Variants in SLC24A3 observed in about 807,000 individuals in gnomAD.
SLC24A3 encodes sodium/potassium/calcium exchanger 3.
SLC24A3 carries 28 observed loss-of-function variants against 75.8 expected under a neutral mutation model. The ratio of observed to expected loss-of-function variants is 0.37; its 90% confidence interval spans 0.27 to 0.51. The LOEUF (loss-of-function observed/expected upper bound fraction) is 0.51, where lower values mean the gene tolerates loss of function less well. Ranked by LOEUF, SLC24A3 falls within the 20% of genes least tolerant of loss-of-function variation. The probability of loss-of-function intolerance (pLI) is 0.94; values close to 1 mark genes in which losing one functional copy is unlikely to be tolerated. For missense variants in SLC24A3, 663 were observed against 847.8 expected (o/e 0.78, Z 2.71); for synonymous variants, 372 against 334.1 (o/e 1.11, Z -1.24).
At chr20:19,216,590 C>G (rs1169778582) in intron 1 of SLC24A3, among the ~76,000 whole-genome samples, 1 of 151,542 alleles carries the variant, frequency 6.6e-6, no homozygotes, top group Non-Finnish European at 1.5e-5. Context: ...GCCTGGGCAA[C>G]AGAGTGAGAC....
At chr20:19,386,627 A>T (rs1986277427) in intron 2 of SLC24A3, among the ~76,000 whole-genome samples, 1 of 152,162 alleles carries the variant, frequency 6.6e-6, no homozygotes, top group Non-Finnish European at 1.5e-5. Flanking sequence ...TTATGAAAGG[A>T]TGCCAGACTT....
chr20:19,708,645 G>A (rs925617248), intron 15 of SLC24A3, among the ~76,000 whole-genome samples: 6 of 152,172 alleles, frequency 3.9e-5, no homozygotes, highest in Admixed American at 6.5e-5. Context: ...TTTACACCAC[G>A]GAAACAGGAC....
chr20:19,563,670 C>G (rs2122613636), intron 3 of SLC24A3, among the ~76,000 whole-genome samples: 1 of 152,272 alleles, frequency 6.6e-6, no homozygotes, highest in Non-Finnish European at 1.5e-5. Flanking sequence ...CCTTGATTGG[C>G]CAGCAGTTCC....
At chr20:19,381,759 G>C (rs1055482150) in intron 2 of SLC24A3, among the ~76,000 whole-genome samples, 6 of 152,122 alleles carry the variant, frequency 3.9e-5, no homozygotes, top group Non-Finnish European at 8.8e-5. Flanking sequence ...TATGTACTAG[G>C]TGAAGGTTCC....
chr20:19,306,540 G>A (rs760393723), intron 2 of SLC24A3, among the ~76,000 whole-genome samples: 7 of 152,156 alleles, frequency 4.6e-5, no homozygotes, highest in Non-Finnish European at 7.3e-5. Context: ...ATGAAATTAT[G>A]TTCTTTGCAG....
intron 2 of SLC24A3, among the ~76,000 whole-genome samples, chr20:19,293,942 A>G (rs912161342): frequency 1.3e-5 from 2 of 152,136 alleles, no homozygotes; most frequent in African/African-American, 4.8e-5. Context: ...TCAGAATATC[A>G]GAATGCATGG....
intron 2 of SLC24A3, among the ~76,000 whole-genome samples, chr20:19,470,787 A>AC (rs1307475343): frequency 2.0e-5 from 3 of 151,918 alleles, no homozygotes; most frequent in Non-Finnish European, 4.4e-5. Flanking sequence ...TTTATTCCCC[A>AC]CTCACATGTT....
intron 2 of SLC24A3, among the ~76,000 whole-genome samples, chr20:19,410,843 T>G (rs1986731602): frequency 6.6e-6 from 1 of 152,224 alleles, no homozygotes; most frequent in South Asian, 2.1e-4. Flanking sequence ...CATTTTCCTG[T>G]GAAAGGCACC....
chr20:19,251,985 G>A (rs759754515), intron 1 of SLC24A3, among the ~76,000 whole-genome samples: 1 of 152,038 alleles, frequency 6.6e-6, no homozygotes, highest in Admixed American at 6.6e-5. Flanking sequence ...TGTATATCCT[G>A]AACGCCACCT....
intron 2 of SLC24A3, among the ~76,000 whole-genome samples, chr20:19,432,550 A>G (rs1987124038): frequency 6.6e-6 from 1 of 152,114 alleles, no homozygotes; most frequent in South Asian, 2.1e-4. Flanking sequence ...TAAAGCCCCA[A>G]GACATTCATA....
Position 19,522,182 on chromosome 20 carries a change from G to A in SLC24A3, c.348+6618G>A, listed in dbSNP as rs373723277. Among the ~76,000 whole-genome samples the A allele has an allele frequency of 2.6e-5, 4 of 152,262 alleles. No homozygotes were observed. The East Asian group carries it at 5.8e-4, about 22-fold the overall frequency. Reference sequence around the variant, plus strand: ...ATGTAGCTAGGAATCACCCTAGAAGGCCTAGCAATGAATTCTAATTCAGTA... The same window carrying A: ...ATGTAGCTAGGAATCACCCTAGAAGACCTAGCAATGAATTCTAATTCAGTA... On this transcript the variant is annotated intron_variant, in intron 3 of 16. Transcript: ENST00000328041.
At chr20:19,253,648 C>G (rs1982727782) in intron 1 of SLC24A3, among the ~76,000 whole-genome samples, 1 of 152,190 alleles carries the variant, frequency 6.6e-6, no homozygotes, top group Non-Finnish European at 1.5e-5. Flanking sequence ...ACTGTTACCC[C>G]CATCCTCACA....
At chr20:19,425,251 C>T (rs1000122537) in intron 2 of SLC24A3, among the ~76,000 whole-genome samples, 1 of 150,976 alleles carries the variant, frequency 6.6e-6, no homozygotes, top group African/African-American at 2.4e-5. Flanking sequence ...TGCAGTGAGC[C>T]AAGATTGTGC....
chr20:19,342,426 T>C (rs1985291774), intron 2 of SLC24A3, among the ~76,000 whole-genome samples: 1 of 152,258 alleles, frequency 6.6e-6, no homozygotes. Context: ...AAATTTCTGC[T>C]GAGTTGGCCA....
chr20:19,589,091 C>T (rs891189359), intron 6 of SLC24A3, among the ~76,000 whole-genome samples: 4 of 152,234 alleles, frequency 2.6e-5, no homozygotes, highest in Middle Eastern at 3.2e-3. Flanking sequence ...AATCCACCTG[C>T]ATTTGGGCTT....
At chr20:19,534,936 TG>T (rs945204861) in intron 3 of SLC24A3, among the ~76,000 whole-genome samples, 1 of 152,232 alleles carries the variant, frequency 6.6e-6, no homozygotes, top group African/African-American at 2.4e-5. Context: ...GTTTAAGAAA[TG>T]CTAACTTACT....
intron 2 of SLC24A3, among the ~76,000 whole-genome samples, chr20:19,488,413 T>G (rs550530398): frequency 3.3e-5 from 5 of 152,208 alleles, no homozygotes; most frequent in African/African-American, 1.2e-4. Context: ...CAGTGCTTCA[T>G]TATAGAGCCT....
At chr20:19,632,400 T>C (rs1411415117) in intron 6 of SLC24A3, among the ~76,000 whole-genome samples, 1 of 152,202 alleles carries the variant, frequency 6.6e-6, no homozygotes, top group African/African-American at 2.4e-5. Flanking sequence ...TCTCAGCTTC[T>C]AGCGGCCACC....
chr20:19,572,362 G>C (rs1010180), intron 3 of SLC24A3, among the ~76,000 whole-genome samples: 1 of 151,818 alleles, frequency 6.6e-6, no homozygotes, highest in South Asian at 2.1e-4. Flanking sequence ...AAGAAAAAAA[G>C]AAAAAAACAG....
Sources: allele counts gnomAD v4.1 joint callset (sites outside exome capture counted in the v4.1 genomes callset), GRCh38; gene constraint gnomAD v4.1.1; transcripts MANE v1.5; gene names NCBI Gene and HGNC (gene_info 2026-07-23, HGNC 2026-07-21).